The following DOCK1 variants were observed in gnomAD, a reference collection of about 807,000 sequenced individuals.
DOCK1 encodes dedicator of cytokinesis 1.
DOCK1 carries 138 observed loss-of-function variants against 262.7 expected under a neutral mutation model. That is an observed-to-expected ratio of 0.53 (90% CI 0.46 to 0.61). The LOEUF (loss-of-function observed/expected upper bound fraction) is 0.61. Among genes scored for constraint, DOCK1 ranks in the 20% least tolerant of loss-of-function variants. The pLI, the probability that DOCK1 is intolerant of heterozygous loss-of-function variation, is 0.00. For missense variants in DOCK1, 1,908 were observed against 2,370.7 expected (o/e 0.80, Z 4.05); for synonymous variants, 866 against 867.4 (o/e 1.00, Z 0.03).
At chr10:127,236,485 T>C (rs2059059821) in intron 27 of DOCK1, among the ~76,000 whole-genome samples, 2 of 143,062 alleles carry the variant, frequency 1.4e-5, no homozygotes, top group South Asian at 4.6e-4. Context: ...TGCACATTGA[T>C]CCTTCTTGAC....
chr10:126,958,934 C>T (rs1031274936), intron 1 of DOCK1, among the ~76,000 whole-genome samples: 21 of 152,154 alleles, frequency 1.4e-4, no homozygotes, highest in East Asian at 3.9e-4. Flanking sequence ...CCCAGGCGGT[C>T]GGGGTGCAGC....
At chr10:127,166,195 A>G (rs906300435) in intron 27 of DOCK1, among the ~76,000 whole-genome samples, 5 of 152,104 alleles carry the variant, frequency 3.3e-5, no homozygotes, top group African/African-American at 1.2e-4. Context: ...CCCCCCAAGT[A>G]GCTGGGACTA....
At chr10:127,006,429 T>G (rs1565055310) in intron 10 of DOCK1, among the ~76,000 whole-genome samples, 1 of 152,204 alleles carries the variant, frequency 6.6e-6, no homozygotes, top group South Asian at 2.1e-4. Flanking sequence ...CTCTGTCTTT[T>G]CACCATCCTC....
chr10:127,189,945 G>C (rs1425621490), intron 27 of DOCK1, among the ~76,000 whole-genome samples: 2 of 152,210 alleles, frequency 1.3e-5, no homozygotes, highest in Non-Finnish European at 2.9e-5. Context: ...GTGAGGTTAA[G>C]GCTGAGAGAC....
chr10:127,381,408 AT>A (rs1295722716), intron 37 of DOCK1, 40 bp downstream of exon 37: 1 of 1,556,036 alleles, frequency 6.4e-7, no homozygotes, highest in Non-Finnish European at 8.8e-7. Context: ...TTCTATTGTT[AT>A]AAATTCTAAC....
At chr10:127,334,451 C>A (rs1031514404) in intron 29 of DOCK1, among the ~76,000 whole-genome samples, 6 of 152,196 alleles carry the variant, frequency 3.9e-5, no homozygotes, top group African/African-American at 1.4e-4. Flanking sequence ...TTCTTATTGA[C>A]CTCACATTTT....
intron 1 of DOCK1, among the ~76,000 whole-genome samples, chr10:126,928,296 C>G (rs2134162430): frequency 6.6e-6 from 1 of 152,316 alleles, no homozygotes; most frequent in South Asian, 2.1e-4. Context: ...TGATGAGCTG[C>G]TGAGAGCCGT....
intron 29 of DOCK1, among the ~76,000 whole-genome samples, chr10:127,260,485 C>T (rs1472421121): frequency 1.3e-5 from 2 of 152,186 alleles, no homozygotes; most frequent in African/African-American, 4.8e-5. Context: ...TATCCTGAAC[C>T]TTCTAATCAA....
chr10:126,972,097 G>A (rs2038155471), intron 2 of DOCK1, among the ~76,000 whole-genome samples: 1 of 151,926 alleles, frequency 6.6e-6, no homozygotes, highest in Non-Finnish European at 1.5e-5. Context: ...TGTATTTTTA[G>A]TAGTGACGGG....
intron 1 of DOCK1, among the ~76,000 whole-genome samples, chr10:126,949,093 G>A (rs886329644): frequency 2.6e-4 from 39 of 152,068 alleles, no homozygotes; most frequent in African/African-American, 9.4e-4. Flanking sequence ...ACGTTCTGCT[G>A]GGGGGAGGTG....
At chr10:127,415,322 C>T (rs3736940) in intron 44 of DOCK1, 84 bp downstream of exon 44, 366,083 of 1,376,502 alleles carry the variant, frequency 0.27, 51,887 homozygotes, top group East Asian at 0.49. Context: ...GCTCATGCCC[C>T]GTGGTCACTG....
chr10:127,340,322 T>C (rs2063374905), intron 30 of DOCK1, among the ~76,000 whole-genome samples: 1 of 152,158 alleles, frequency 6.6e-6, no homozygotes, highest in Admixed American at 6.6e-5. Context: ...TCACTGCCCC[T>C]CTGCAGGGAT....
intron 29 of DOCK1, among the ~76,000 whole-genome samples, chr10:127,301,787 A>G (rs956381559): frequency 2.0e-5 from 3 of 152,002 alleles, no homozygotes; most frequent in Admixed American, 1.3e-4. Flanking sequence ...CTCTACTAAA[A>G]GTAGAAAAAT....
At chr10:127,238,560 G>A (rs1315710218) in intron 27 of DOCK1, among the ~76,000 whole-genome samples, 1 of 152,000 alleles carries the variant, frequency 6.6e-6, no homozygotes. Flanking sequence ...ACCCTGCCAC[G>A]TCGCCTATAT....
In DOCK1 at chr10:127,374,074, A is replaced by C. The variant is rs771499444; in HGVS notation, c.3535A>C (p.Arg1179=). 9.3e-6 allele frequency: 15 copies of C among 1,612,402 alleles called. No homozygotes were observed. Among genetic ancestry groups the C allele is most frequent in the Non-Finnish European group, 1.2e-5 (14 of 1,179,228 alleles). Residue 1179 remains arginine (R), a synonymous_variant, in exon 35 of 52, where the codon AGG becomes CGG. Coordinates refer to ENST00000623213, the MANE Select transcript of DOCK1 (RefSeq NM_001290223.2). The part of the protein sequence containing the change: ...LFDKILLEHC[R]KHKYLAKTGE... ...ATTTTTCAGCCTTCTGGAACACTGC[A>C]GGAAGCACAAATACCTCGCCAAAAC...
At chr10:126,985,744 C>T (rs2039335151) in intron 4 of DOCK1, among the ~76,000 whole-genome samples, 1 of 152,184 alleles carries the variant, frequency 6.6e-6, no homozygotes, top group Non-Finnish European at 1.5e-5. Context: ...ACCGCATTTC[C>T]ATCAGCATCC....
intron 1 of DOCK1, among the ~76,000 whole-genome samples, chr10:126,927,823 A>G (rs1003266078): frequency 0.11 from 16,919 of 152,194 alleles, 1,114 homozygotes; most frequent in Middle Eastern, 0.2. Flanking sequence ...TTAAGGACTC[A>G]GTGAAGAACA....
At chr10:127,234,746 C>A (rs1425668052) in intron 27 of DOCK1, among the ~76,000 whole-genome samples, 1 of 151,902 alleles carries the variant, frequency 6.6e-6, no homozygotes, top group African/African-American at 2.4e-5. Context: ...TACTGAATAG[C>A]AAAACCATTT....
chr10:127,440,939 C>T (rs1434404218), intron 49 of DOCK1, among the ~76,000 whole-genome samples: 12 of 152,236 alleles, frequency 7.9e-5, no homozygotes, highest in African/African-American at 2.7e-4. Context: ...GCCCACCACC[C>T]CAGAGGCTGG....
Sources: gnomAD v4.1 joint callset for allele counts (sites outside exome capture counted in the v4.1 genomes callset) on GRCh38, gnomAD v4.1.1 for gene constraint, MANE v1.5 for transcripts, NCBI Gene and HGNC (gene_info 2026-07-23, HGNC 2026-07-21) for gene names.